The following LIN28B variants were observed in gnomAD, a reference collection of about 807,000 sequenced individuals.
LIN28B encodes the protein lin-28 RNA binding posttranscriptional regulator B.
In LIN28B, 5 loss-of-function variants were observed where a neutral mutation model predicts 21.9. The observed-to-expected ratio is 0.23, with a 90% CI of 0.12 to 0.48. LIN28B has a LOEUF of 0.48. Among genes scored for constraint, LIN28B ranks in the 20% least tolerant of loss-of-function variants. The probability of loss-of-function intolerance (pLI) is 0.98; values close to 1 mark genes in which losing one functional copy is unlikely to be tolerated. For synonymous variants in LIN28B, 109 were observed against 111.3 expected (o/e 0.98, Z 0.13); for missense variants, 245 against 310.5 (o/e 0.79, Z 1.58).
chr6:105,064,769 GA>G (rs1329115819), intron 3 of LIN28B, among the ~76,000 whole-genome samples: 1 of 151,930 alleles, frequency 6.6e-6, no homozygotes, highest in Non-Finnish European at 1.5e-5. Flanking sequence ...GAAAAATCTA[GA>G]AAAAAATATT....
At chr6:105,072,259 A>C (rs1284063697) in intron 3 of LIN28B, among the ~76,000 whole-genome samples, 1 of 152,102 alleles carries the variant, frequency 6.6e-6, no homozygotes, top group Non-Finnish European at 1.5e-5. Flanking sequence ...ATAATCTCTA[A>C]ATTTCTTCAT....
rs866083587 is a variant in LIN28B at position 105,046,645 on chromosome 6, T to C, written c.383+20163T>C. ...TACAGTCCCACCAACAGTGTAAAAG[T>C]GTTCCTATTTCTCCACATCCTCTCC... On this transcript the variant is annotated intron_variant, in intron 3 of 3. Coordinates refer to ENST00000345080, the MANE Select transcript of LIN28B (RefSeq NM_001004317.4). Among the ~76,000 whole-genome samples, 191 of 152,182 alleles carry C rather than the reference T, an allele frequency of 1.3e-3. 2 individuals are homozygous for C. Among genetic ancestry groups the C allele is most frequent in the African/African-American group, 4.5e-3 (186 of 41,524 alleles).
intron 3 of LIN28B, among the ~76,000 whole-genome samples, chr6:105,032,125 G>C (rs535095687): frequency 1.3e-5 from 2 of 152,154 alleles, no homozygotes; most frequent in East Asian, 3.9e-4. Flanking sequence ...CTTTTTTGCT[G>C]AATAGTATTC....
At chr6:105,013,955 C>G (rs912405075) in intron 2 of LIN28B, among the ~76,000 whole-genome samples, 1 of 152,018 alleles carries the variant, frequency 6.6e-6, no homozygotes, top group Admixed American at 6.6e-5. Flanking sequence ...TTATTTTTCT[C>G]TTGTGTTTCT....
At chr6:105,031,658 C>T (rs776764165) in intron 3 of LIN28B, among the ~76,000 whole-genome samples, 31 of 151,764 alleles carry the variant, frequency 2.0e-4, no homozygotes, top group Non-Finnish European at 2.9e-4. Context: ...CTCAGCCTCC[C>T]GAGTAGCCGG....
chr6:104,948,381 C>T (rs1298796757), intron 2 of LIN28B, among the ~76,000 whole-genome samples: 1 of 152,074 alleles, frequency 6.6e-6, no homozygotes, highest in Non-Finnish European at 1.5e-5. Flanking sequence ...GCAGGAGAAT[C>T]GCTTAAACCC....
intron 2 of LIN28B, among the ~76,000 whole-genome samples, chr6:105,020,892 A>G (rs1771126606): frequency 6.6e-6 from 1 of 151,598 alleles, no homozygotes; most frequent in African/African-American, 2.4e-5. Flanking sequence ...AGCTGGGACT[A>G]CAGACGCCCA....
At chr6:104,965,604 C>G (rs1025086114) in intron 2 of LIN28B, among the ~76,000 whole-genome samples, 1 of 152,148 alleles carries the variant, frequency 6.6e-6, no homozygotes, top group Admixed American at 6.5e-5. Context: ...TTACTGAAGC[C>G]TTGACTTCCT....
chr6:105,029,788 C>T (rs978622754), intron 3 of LIN28B, among the ~76,000 whole-genome samples: 9 of 152,128 alleles, frequency 5.9e-5, no homozygotes, highest in African/African-American at 1.9e-4. Flanking sequence ...AATGATTTAA[C>T]TAGAGTTGAG....
chr6:105,048,853 G>A (rs1033618856), intron 3 of LIN28B, among the ~76,000 whole-genome samples: 6 of 152,026 alleles, frequency 3.9e-5, no homozygotes, highest in African/African-American at 2.4e-5. Flanking sequence ...CTGTGGGATT[G>A]GTGGTGATAT....
chr6:105,048,128 C>T (rs572095182), intron 3 of LIN28B, among the ~76,000 whole-genome samples: 4 of 152,270 alleles, frequency 2.6e-5, no homozygotes, highest in Admixed American at 2.0e-4. Context: ...CAGTTTTTGC[C>T]CATGCAGTAT....
At position 104,939,305 on chromosome 6, in the gene LIN28B, A is replaced by C. The variant is rs541841385; in HGVS notation, c.18+2189A>C. 7 of 152,394 alleles carry C rather than the reference A, an allele frequency of 4.6e-5. 1 individual carries two copies. In the South Asian group the frequency reaches 1.4e-3, roughly 32 times the overall value. 9.4% of individuals were successfully genotyped at this position (152,394 alleles called of 1,614,324 possible). On this transcript the variant is annotated intron_variant, in intron 2 of 5. Coordinates refer to the LIN28B transcript ENST00000635857. The stretch of plus-strand genomic sequence containing the variant: ...AATCCTCTGTACTACTTCGCAAAGT[A>C]ATGTAAGAAATACTTTACATACTTG...
chr6:105,018,736 C>G (rs1771078517), intron 2 of LIN28B, among the ~76,000 whole-genome samples: 1 of 152,100 alleles, frequency 6.6e-6, no homozygotes, highest in African/African-American at 2.4e-5. Flanking sequence ...TTCCTCACCT[C>G]CCATATCATC....
Position 105,057,576 on chromosome 6 carries a change from C to T in LIN28B, c.384-20838C>T, listed in dbSNP as rs545380674. 2.0e-5 allele frequency among the ~76,000 whole-genome samples: 3 copies of T among 152,226 alleles called. No individual in the cohort carries two copies. The South Asian group carries it at 6.2e-4, about 32-fold the overall frequency. On this transcript the variant is annotated intron_variant, in intron 3 of 3. Coordinates refer to ENST00000345080, the MANE Select transcript of LIN28B (RefSeq NM_001004317.4). ...AGTATAATTTTTATCTTAGTATCCC[C>T]GTGTACCTCTTCTTTCATTTCTTTT...
chr6:105,075,173 G>T (rs1032338727), intron 3 of LIN28B, among the ~76,000 whole-genome samples: 2 of 152,210 alleles, frequency 1.3e-5, no homozygotes, highest in African/African-American at 4.8e-5. Context: ...GTGAGACTAT[G>T]TCCTTATATT....
intron 2 of LIN28B, among the ~76,000 whole-genome samples, chr6:104,945,798 A>G (rs1778149223): frequency 6.6e-6 from 1 of 152,144 alleles, no homozygotes; most frequent in African/African-American, 2.4e-5. Context: ...AAGCTAAAGA[A>G]TTGTGTTTGC....
At chr6:105,078,263 T>G in intron 3 of LIN28B, 151 bp from the exon 4 acceptor site, 1 of 739,446 alleles carries the variant, frequency 1.4e-6, no homozygotes, top group Non-Finnish European at 2.2e-6. Context: ...GAACCAACAG[T>G]GTAACCAGTA....
chr6:105,020,854 G>A (rs1301584215), intron 2 of LIN28B, among the ~76,000 whole-genome samples: 1 of 147,104 alleles, frequency 6.8e-6, no homozygotes, highest in East Asian at 2.1e-4. Flanking sequence ...CTGGGTTCAC[G>A]CCATTCTCTT....
intron 3 of LIN28B, among the ~76,000 whole-genome samples, chr6:105,049,831 T>G (rs889801802): frequency 3.3e-5 from 5 of 152,202 alleles, no homozygotes; most frequent in Non-Finnish European, 7.3e-5. Flanking sequence ...AACCCCTGCC[T>G]TTTTGTGTTT....
Sources: allele counts gnomAD v4.1 joint callset (sites outside exome capture counted in the v4.1 genomes callset), GRCh38; gene constraint gnomAD v4.1.1; transcripts MANE v1.5; gene names NCBI Gene and HGNC (gene_info 2026-07-23, HGNC 2026-07-21).